TRPC3: variants seen among roughly 807,000 people sequenced by gnomAD.
TRPC3 encodes the protein short transient receptor potential channel 3.
A neutral mutation model predicts 90.9 loss-of-function variants in TRPC3; 54 were observed. That is an observed-to-expected ratio of 0.59 (90% CI 0.48 to 0.75). The LOEUF (loss-of-function observed/expected upper bound fraction) is 0.75, where lower values mean the gene tolerates loss of function less well. Among genes scored for constraint, TRPC3 ranks in the 30% least tolerant of loss-of-function variants. The probability of loss-of-function intolerance (pLI) is 0.00; values close to 1 mark genes in which losing one functional copy is unlikely to be tolerated. For missense variants in TRPC3, 918 were observed against 1,194.5 expected, an observed-to-expected ratio of 0.77 and a Z score of 3.41; for synonymous variants, 424 against 450.9, an observed-to-expected ratio of 0.94 and a Z score of 0.75.
chr4:121,884,849 C>T (rs530063730), intron 10 of TRPC3, among the ~76,000 whole-genome samples: 1 of 152,200 alleles, frequency 6.6e-6, no homozygotes, highest in South Asian at 2.1e-4. Context: ...AGGTACTGTA[C>T]CAGGTGCTAG....
chr4:121,876,765 C>T lies in TRPC3; in HGVS notation c.*2971G>A, dbSNP rs2149100192. On this transcript the variant is annotated 3_prime_UTR_variant, in exon 12 of 12. Transcript: ENST00000379645. Reference sequence around the variant, plus strand: ...AAACTTTTCAACAGATTGTGACTTCCATAAAGTCATGGGTGCTCTGTAAAT... The same window carrying T: ...AAACTTTTCAACAGATTGTGACTTCTATAAAGTCATGGGTGCTCTGTAAAT... Among the ~76,000 whole-genome samples the T allele has an allele frequency of 6.6e-6, 1 of 152,216 alleles. No individual in the cohort carries two copies. Among genetic ancestry groups the T allele is most frequent in the East Asian group, 1.9e-4 (1 of 5,182 alleles).
chr4:121,926,570 CT>C (rs1199789344), intron 2 of TRPC3, among the ~76,000 whole-genome samples: 5 of 152,054 alleles, frequency 3.3e-5, no homozygotes, highest in Admixed American at 2.0e-4. Context: ...CCACACCCGG[CT>C]ATCTTTTGTA....
At chr4:121,898,716 T>C (rs1177165993) in intron 10 of TRPC3, among the ~76,000 whole-genome samples, 2 of 152,202 alleles carry the variant, frequency 1.3e-5, no homozygotes, top group Non-Finnish European at 2.9e-5. Context: ...TCTGAGATGA[T>C]GGATATGCTA....
At position 121,951,431 on chromosome 4, in the gene TRPC3, C is replaced by CCGAGGCG. The variant is rs1730746480; in HGVS notation, c.215+28_215+34dup. On this transcript the variant is annotated intron_variant, in intron 1 of 11. Transcript: ENST00000379645. This position sits in a 1 kb window ranked among gnomAD's most constrained non-coding sequence, Gnocchi z 4.4. The stretch of plus-strand genomic sequence containing the variant: ...CCCGCCCCCCGCCCGGCACCGCCCT[C>CCGAGGCG]CGAGGCGCGGGCCGCGGCCGGGCCC... The CCGAGGCG allele has an allele frequency of 1.5e-5, 18 of 1,179,644 alleles. No homozygotes were observed. The highest frequency in any genetic ancestry group is 1.8e-5 in the Non-Finnish European group (17 of 953,696). 73.1% of individuals were successfully genotyped at this position (1,179,644 alleles called of 1,614,324 possible). A position where few individuals can be genotyped will look rare whatever the true frequency, so the allele number is the denominator to read the frequency against.
At chr4:121,883,970 G>A (rs1282580494) in intron 10 of TRPC3, among the ~76,000 whole-genome samples, 1 of 152,102 alleles carries the variant, frequency 6.6e-6, no homozygotes, top group Non-Finnish European at 1.5e-5. Context: ...TGAACCAAGA[G>A]ACATACAACA....
chr4:121,920,708 G>T (rs1462800094), intron 3 of TRPC3, among the ~76,000 whole-genome samples: 1 of 152,118 alleles, frequency 6.6e-6, no homozygotes, highest in Non-Finnish European at 1.5e-5. Context: ...TCACTAAAAG[G>T]TCTGAAAATT....
intron 9 of TRPC3, 102 bp from the exon 10 acceptor site, chr4:121,899,797 T>C: frequency 1.1e-6 from 1 of 875,276 alleles, no homozygotes; most frequent in East Asian, 2.6e-5. Flanking sequence ...GAGTCAACAT[T>C]CCCAAGAAAC....
chr4:121,910,078 A>C, intron 6 of TRPC3, 76 bp downstream of exon 6: 1 of 1,117,552 alleles, frequency 8.9e-7, no homozygotes, highest in Non-Finnish European at 1.3e-6. Flanking sequence ...AACATACTCC[A>C]ATTGGCATTT....
chr4:121,939,675 C>G (rs956900867), intron 1 of TRPC3, among the ~76,000 whole-genome samples: 8 of 152,212 alleles, frequency 5.3e-5, no homozygotes, highest in Non-Finnish European at 1.2e-4. Context: ...AGGCTTGGGA[C>G]AGATTGCTGG....
rs184159987 is a variant in TRPC3, at chr4:121,889,480, A to G, written c.2548-7051T>C. ...CAACAGGCATATGAAAAAATGTTCA[A>G]CATCACTAATCAACAGAGAAATGCA... On this transcript the variant is annotated intron_variant, in intron 10 of 11. Transcript: ENST00000379645. Among the ~76,000 whole-genome samples the G allele has an allele frequency of 3.9e-5, 6 of 151,926 alleles. No individual in the cohort carries two copies. The East Asian group carries it at 1.2e-3, about 29-fold the overall frequency.
intron 1 of TRPC3, among the ~76,000 whole-genome samples, chr4:121,937,303 TC>T (rs1225049022): frequency 2.0e-5 from 3 of 152,244 alleles, no homozygotes; most frequent in African/African-American, 7.2e-5. Context: ...TAATGGAGCA[TC>T]CTGGATCAAG....
chr4:121,947,485 A>G lies in TRPC3; in HGVS notation c.215+3981T>C, dbSNP rs78538632. On this transcript the variant is annotated intron_variant, in intron 1 of 11. Transcript: ENST00000379645. ...AGACCAGTGCCACAGAAACTAACAT[A>G]CAAAGTGTTTTAGGTAATCTGAGTT... 1.6e-3 allele frequency among the ~76,000 whole-genome samples: 239 copies of G among 152,256 alleles called. 2 individuals are homozygous for G. The highest frequency in any genetic ancestry group is 2.6e-3 in the Non-Finnish European group (178 of 68,006).
intron 3 of TRPC3, among the ~76,000 whole-genome samples, chr4:121,921,943 G>A (rs1328401087): frequency 6.7e-6 from 1 of 148,232 alleles, no homozygotes; most frequent in African/African-American, 2.5e-5. Flanking sequence ...TTTCGAGTCG[G>A]AGTCTCGCTC....
chr4:121,911,795 C>T, intron 5 of TRPC3, 82 bp downstream of exon 5: 1 of 1,344,106 alleles, frequency 7.4e-7, no homozygotes, highest in Non-Finnish European at 1.0e-6. Flanking sequence ...GATATAATAA[C>T]ATTTTTTTTC....
Position 121,914,919 on chromosome 4 carries a change from T to C in TRPC3, c.1202A>G (p.Gln401Arg). ...KKFVAHPNCQQQLLTIWYENL... is the reference protein window; with the variant it reads ...KKFVAHPNCQRQLLTIWYENL... ...CTCATACCAGATCGTCAAGAGCTGC[T>C]GCTGGCAGTTGGGATGAGCCACAAA... is the stretch of plus-strand genomic sequence containing the variant. Residue 401 changes from glutamine (Q) to arginine (R), a missense_variant, in exon 4 of 12, where the codon CAG (glutamine) becomes CGG (arginine). This residue lies in a region of TRPC3 where 609 missense variants were observed against 725.9 expected (regional missense o/e 0.84). Transcript: ENST00000379645. The C allele has an allele frequency of 6.2e-7, 1 of 1,608,724 alleles. No individual in the cohort carries two copies. The highest frequency in any genetic ancestry group is 8.5e-7 in the Non-Finnish European group (1 of 1,175,856).
chr4:121,942,856 C>A (rs1422553877), intron 1 of TRPC3, among the ~76,000 whole-genome samples: 1 of 152,186 alleles, frequency 6.6e-6, no homozygotes, highest in African/African-American at 2.4e-5. Context: ...CCATTGCCTG[C>A]ATGACTTCTT....
chr4:121,949,186 CA>C (rs1252537551), intron 1 of TRPC3, among the ~76,000 whole-genome samples: 6 of 152,154 alleles, frequency 3.9e-5, no homozygotes, highest in African/African-American at 1.2e-4. Flanking sequence ...CCTAGGTTTG[CA>C]ACCAATTGGG....
chr4:121,907,180 T>G, intron 7 of TRPC3, 123 bp downstream of exon 7: 2 of 948,168 alleles, frequency 2.1e-6, no homozygotes, highest in Non-Finnish European at 3.2e-6. Context: ...TAACTGTTTT[T>G]GATGGATTAT....
rs113945627 is a variant in TRPC3, at chr4:121,915,909, A to G, written c.1177-965T>C. ...CTTTGTCCAAGCTCAGGAATTCAAA[A>G]ATCAACTATGAGTGACAACATATTT... On this transcript the variant is annotated intron_variant, in intron 3 of 11. Coordinates refer to ENST00000379645, the MANE Select transcript of TRPC3 (RefSeq NM_001130698.2). Among the ~76,000 whole-genome samples, 862 of 152,306 alleles carry G rather than the reference A, an allele frequency of 5.7e-3. 11 individuals carry two copies. The highest frequency in any genetic ancestry group is 0.02 in the African/African-American group (824 of 41,544).
Sources: gnomAD v4.1 joint callset for allele counts (sites outside exome capture counted in the v4.1 genomes callset) on GRCh38, gnomAD v4.1.1 for gene constraint, gnomAD v4.1.1 regional missense constraint, Gnocchi (gnomAD v3.1) non-coding constraint, MANE v1.5 for transcripts, NCBI Gene and HGNC (gene_info 2026-07-23, HGNC 2026-07-21) for gene names.